The following NAA16 variants were observed in gnomAD, a reference collection of about 807,000 sequenced individuals.
NAA16 encodes N-alpha-acetyltransferase 16, NatA auxiliary subunit, also known as NARG1-like protein.
In NAA16, 97 loss-of-function variants were observed where a neutral mutation model predicts 110.3. The observed-to-expected ratio is 0.88, with a 90% CI of 0.75 to 1.04. The LOEUF is 1.04. Ranked by LOEUF, NAA16 falls within the 50% of genes least tolerant of loss-of-function variation. NAA16 has a pLI of 0.00. For synonymous variants in NAA16, 372 were observed against 330.6 expected (o/e 1.13, Z -1.36); for missense variants, 1,017 against 1,005.1 (o/e 1.01, Z -0.16).
chr13:41,373,421 C>G (rs2043362384), intron 17 of NAA16: 1 of 299,558 alleles, frequency 3.3e-6, no homozygotes, highest in East Asian at 1.7e-4. Flanking sequence ...CCATGCCCGG[C>G]TAATTTTTGT....
At chr13:41,360,839 T>C (rs180888649) in intron 12 of NAA16, among the ~76,000 whole-genome samples, 4 of 152,362 alleles carry the variant, frequency 2.6e-5, no homozygotes, top group Non-Finnish European at 5.9e-5. Context: ...ATAGTTCTAG[T>C]TGATAAACTT....
chr13:41,335,707 G>A (rs557642473), intron 8 of NAA16, among the ~76,000 whole-genome samples: 1 of 152,264 alleles, frequency 6.6e-6, no homozygotes, highest in Non-Finnish European at 1.5e-5. Flanking sequence ...TATTGAGTAT[G>A]CATGCATGTT....
intron 2 of NAA16, among the ~76,000 whole-genome samples, chr13:41,317,997 T>C (rs991653672): frequency 6.6e-6 from 1 of 152,222 alleles, no homozygotes; most frequent in Non-Finnish European, 1.5e-5. Context: ...TTTGTTGGAA[T>C]AAACTTGCTA....
chr13:41,357,194 A>T (rs1457670723), intron 10 of NAA16, among the ~76,000 whole-genome samples: 1 of 152,148 alleles, frequency 6.6e-6, no homozygotes, highest in East Asian at 1.9e-4. Flanking sequence ...GGTGGTTCTC[A>T]CCTGTAGTCC....
chr13:41,356,157 G>A (rs554036263), intron 10 of NAA16, among the ~76,000 whole-genome samples: 8 of 150,304 alleles, frequency 5.3e-5, no homozygotes, highest in East Asian at 3.9e-4. Context: ...TTTTGTGTGC[G>A]TGTGTGTGTG....
chr13:41,333,930 A>G (rs2042308838), intron 8 of NAA16, among the ~76,000 whole-genome samples: 1 of 152,054 alleles, frequency 6.6e-6, no homozygotes, highest in Non-Finnish European at 1.5e-5. Context: ...ATGCCATAAA[A>G]ATCTTTTTAC....
chr13:41,358,733 G>T, intron 11 of NAA16, 77 bp from the exon 12 acceptor site: 1 of 1,492,340 alleles, frequency 6.7e-7, no homozygotes. Flanking sequence ...TTTTTTGTCT[G>T]TGTAAATTAT....
At chr13:41,328,140 A>C (rs1159094845) in intron 6 of NAA16, 2 of 151,944 alleles carry the variant, frequency 1.3e-5, no homozygotes, top group Non-Finnish European at 2.9e-5. Flanking sequence ...TTTCCACACC[A>C]CCTCTTAATT....
intron 13 of NAA16, chr13:41,362,810 TG>T: frequency 7.8e-7 from 1 of 1,289,604 alleles, no homozygotes; most frequent in Non-Finnish European, 1.0e-6. Context: ...CCCTCAGTTG[TG>T]GGGGCAATCG....
At position 41,375,506 on chromosome 13, in the gene NAA16, T is replaced by C. The variant is rs775768670; in HGVS notation, c.2499T>C (p.Phe833=). The change falls in exon 20 of 20, where the codon TTT becomes TTC. Residue 833 remains phenylalanine (F), a synonymous_variant. Transcript: ENST00000379406. ...TGGCCTGTCATAACCTGCTTCCTTT[T>C]ACATCTGCCTTCTTGCCTGCTGTGA... The part of the protein sequence containing the change: ...YRMACHNLLP[F]TSAFLPAVNE... 6.2e-6 allele frequency: 10 copies of C among 1,614,024 alleles called. No individual in the cohort carries two copies. The African/African-American group carries it at 9.3e-5, about 15-fold the overall frequency.
At chr13:41,322,864 C>T (rs1197033319) in intron 4 of NAA16, among the ~76,000 whole-genome samples, 192 bp from the exon 5 acceptor site, 1 of 152,078 alleles carries the variant, frequency 6.6e-6, no homozygotes, top group Non-Finnish European at 1.5e-5. Flanking sequence ...GACAGCCTCA[C>T]AGTGAGTATT....
intron 12 of NAA16, among the ~76,000 whole-genome samples, chr13:41,360,854 A>G (rs2043098373): frequency 6.6e-6 from 1 of 152,206 alleles, no homozygotes; most frequent in African/African-American, 2.4e-5. Flanking sequence ...AAACTTTTTG[A>G]AATGAAAAGT....
chr13:41,326,024 A>G (rs911437366), intron 6 of NAA16, among the ~76,000 whole-genome samples, 173 bp downstream of exon 6: 6 of 152,168 alleles, frequency 3.9e-5, no homozygotes, highest in South Asian at 2.1e-4. Context: ...TGTTGTAGTT[A>G]TTATATCTAT....
At chr13:41,373,175 G>A (rs571962595) in intron 17 of NAA16, 7 of 910,412 alleles carry the variant, frequency 7.7e-6, no homozygotes, top group African/African-American at 3.6e-5. Flanking sequence ...TTTTAGGCTA[G>A]GATGTATTTA....
At chr13:41,322,206 A>C (rs1161709002) in intron 4 of NAA16, among the ~76,000 whole-genome samples, 1 of 151,376 alleles carries the variant, frequency 6.6e-6, no homozygotes, top group African/African-American at 2.4e-5. Context: ...ACATAGGGAG[A>C]CTCTGTCTCT....
At chr13:41,348,262 G>A (rs1368542124) in intron 9 of NAA16, among the ~76,000 whole-genome samples, 2 of 152,064 alleles carry the variant, frequency 1.3e-5, no homozygotes, top group African/African-American at 4.8e-5. Flanking sequence ...CCACCTCGCG[G>A]GTTCAAGCTA....
chr13:41,362,654 G>A, intron 13 of NAA16: 1 of 1,208,110 alleles, frequency 8.3e-7, no homozygotes, highest in Non-Finnish European at 1.1e-6. Context: ...GATTATTTGT[G>A]TGATGTGCCT....
intron 1 of NAA16, among the ~76,000 whole-genome samples, chr13:41,316,241 T>G (rs2041805599): frequency 6.6e-6 from 1 of 152,016 alleles, no homozygotes; most frequent in Non-Finnish European, 1.5e-5. Context: ...GTGATTCTCC[T>G]GCCTCAGCCA....
At chr13:41,361,657 G>A (rs1260557638) in intron 12 of NAA16, among the ~76,000 whole-genome samples, 2 of 152,190 alleles carry the variant, frequency 1.3e-5, no homozygotes, top group East Asian at 1.9e-4. Flanking sequence ...GTGACAGTTA[G>A]GTAGCAGACA....
Sources: gnomAD v4.1 joint callset for allele counts (sites outside exome capture counted in the v4.1 genomes callset) on GRCh38, gnomAD v4.1.1 for gene constraint, MANE v1.5 for transcripts, NCBI Gene and HGNC (gene_info 2026-07-23, HGNC 2026-07-21) for gene names.